The following CDH13 variants were observed in gnomAD, a reference collection of about 807,000 sequenced individuals.
The protein encoded by CDH13 is cadherin 13, also known as cadherin-13.
In CDH13, 24 loss-of-function variants were observed where a neutral mutation model predicts 63.8. The observed-to-expected ratio is 0.38, with a 90% CI of 0.27 to 0.53. The LOEUF (loss-of-function observed/expected upper bound fraction) is 0.53. CDH13 is among the 20% of genes least tolerant of loss of function. CDH13 has a pLI of 0.85. For synonymous variants in CDH13, 503 were observed against 355.3 expected, an observed-to-expected ratio of 1.42 and a Z score of -4.67; for missense variants, 1,049 against 903.1, an observed-to-expected ratio of 1.16 and a Z score of -2.07.
At chr16:82,926,557 A>G (rs1415505425) in intron 2 of CDH13, among the ~76,000 whole-genome samples, 2 of 152,146 alleles carry the variant, frequency 1.3e-5, no homozygotes, top group African/African-American at 4.8e-5. Context: ...GCTTGATGGC[A>G]TTTTAGGCTT....
chr16:82,814,639 C>G (rs2037612633), intron 1 of CDH13, among the ~76,000 whole-genome samples: 1 of 152,176 alleles, frequency 6.6e-6, no homozygotes, highest in Non-Finnish European at 1.5e-5. Context: ...GACTGTTCAT[C>G]TATACTCTTT....
chr16:82,818,323 A>G (rs1213726821), intron 1 of CDH13, among the ~76,000 whole-genome samples: 1 of 152,178 alleles, frequency 6.6e-6, no homozygotes, highest in African/African-American at 2.4e-5. Context: ...TATTCAAACT[A>G]AGGACTAAAA....
intron 5 of CDH13, among the ~76,000 whole-genome samples, chr16:83,278,968 C>T (rs1279258771): frequency 1.3e-5 from 2 of 152,168 alleles, no homozygotes; most frequent in Admixed American, 6.5e-5. Context: ...GCACACAGCA[C>T]TCTGCCTGCC....
chr16:83,604,894 C>G (rs1262971555), intron 8 of CDH13, among the ~76,000 whole-genome samples: 1 of 152,134 alleles, frequency 6.6e-6, no homozygotes, highest in Non-Finnish European at 1.5e-5. Context: ...AATCTTTGCT[C>G]AGTTGTGGAC....
chr16:83,338,044 A>C (rs2090636601), intron 5 of CDH13, among the ~76,000 whole-genome samples: 1 of 152,154 alleles, frequency 6.6e-6, no homozygotes, highest in Admixed American at 6.5e-5. Context: ...ATGACAAATC[A>C]GCTTTGACAC....
At chr16:83,230,408 G>A (rs2039969282) in intron 5 of CDH13, among the ~76,000 whole-genome samples, 1 of 152,186 alleles carries the variant, frequency 6.6e-6, no homozygotes, top group Non-Finnish European at 1.5e-5. Flanking sequence ...TGTGGAAGAA[G>A]TTCTAGATCA....
intron 1 of CDH13, chr16:82,688,905 C>A (rs1353215751): frequency 6.6e-6 from 1 of 152,006 alleles, no homozygotes; most frequent in African/African-American, 2.4e-5. Flanking sequence ...CAAATAGGAC[C>A]CAGAGAGGGG....
chr16:83,796,543 T>C lies in CDH13; in HGVS notation c.*1513T>C, dbSNP rs902938598. 6 of 152,244 alleles carry C rather than the reference T, an allele frequency of 3.9e-5. No homozygotes were observed. The highest frequency in any genetic ancestry group is 2.1e-4 in the South Asian group (1 of 4,830). 9.4% of individuals were successfully genotyped at this position (152,244 alleles called of 1,614,324 possible). A position where few individuals can be genotyped will look rare whatever the true frequency, so the allele number is the denominator to read the frequency against. On this transcript the variant is annotated 3_prime_UTR_variant, in exon 14 of 14. Transcript: ENST00000567109. ...CAATGGTAAATCCTTTTGGAACATA[T>C]AGAATGCAGAGATTTTTTTTTCCAT...
intron 4 of CDH13, among the ~76,000 whole-genome samples, chr16:83,203,419 G>A (rs1567503642): frequency 6.6e-6 from 1 of 152,010 alleles, no homozygotes; most frequent in South Asian, 2.1e-4. Context: ...AGGTGTGGTG[G>A]CTCACGCCTG....
intron 10 of CDH13, among the ~76,000 whole-genome samples, chr16:83,698,704 C>G (rs369765714): frequency 1.3e-5 from 2 of 152,228 alleles, no homozygotes; most frequent in Non-Finnish European, 2.9e-5. Flanking sequence ...GTCAGTAACC[C>G]CAACCTTCTT....
chr16:82,882,580 G>C (rs2040743454), intron 2 of CDH13, among the ~76,000 whole-genome samples: 1 of 152,146 alleles, frequency 6.6e-6, no homozygotes, highest in African/African-American at 2.4e-5. Flanking sequence ...AGTATGTAGA[G>C]GGACTAAGGG....
chr16:83,423,474 G>T (rs963416591), intron 6 of CDH13, among the ~76,000 whole-genome samples: 1 of 151,508 alleles, frequency 6.6e-6, no homozygotes, highest in African/African-American at 2.4e-5. Context: ...ATTTCACAGA[G>T]GGTATCCCTG....
At chr16:82,866,119 C>T (rs1444956337) in intron 2 of CDH13, among the ~76,000 whole-genome samples, 1 of 152,114 alleles carries the variant, frequency 6.6e-6, no homozygotes, top group African/African-American at 2.4e-5. Flanking sequence ...CCTCATCACC[C>T]TCTGAGACCA....
intron 7 of CDH13, among the ~76,000 whole-genome samples, chr16:83,556,468 G>C (rs543098931): frequency 6.6e-6 from 1 of 152,278 alleles, no homozygotes; most frequent in South Asian, 2.1e-4. Flanking sequence ...ACATGCGGTG[G>C]TCAATCAGCC....
At chr16:82,856,233 G>A (rs760183091) in intron 1 of CDH13, among the ~76,000 whole-genome samples, 3 of 151,798 alleles carry the variant, frequency 2.0e-5, no homozygotes, top group Non-Finnish European at 2.9e-5. Flanking sequence ...AAAATTAGCC[G>A]GGTATGGTGG....
intron 2 of CDH13, among the ~76,000 whole-genome samples, chr16:82,896,545 CT>C (rs774396908): frequency 2.6e-5 from 4 of 151,728 alleles, no homozygotes; most frequent in Non-Finnish European, 5.9e-5. Flanking sequence ...ATCCGCCTGC[CT>C]TGGCCTTCCA....
chr16:83,549,035 C>G (rs1045011285), intron 7 of CDH13, among the ~76,000 whole-genome samples: 1 of 152,204 alleles, frequency 6.6e-6, no homozygotes, highest in African/African-American at 2.4e-5. Context: ...TGGCTGTGTG[C>G]TTGTCAGTGC....
intron 2 of CDH13, among the ~76,000 whole-genome samples, chr16:82,908,635 T>C (rs2041725551): frequency 6.6e-6 from 1 of 152,232 alleles, no homozygotes; most frequent in South Asian, 2.1e-4. Context: ...GCAACCAACA[T>C]TATTAGTTTA....
intron 5 of CDH13, among the ~76,000 whole-genome samples, chr16:83,288,935 C>G (rs946051455): frequency 6.6e-6 from 1 of 152,200 alleles, no homozygotes; most frequent in Admixed American, 6.5e-5. Flanking sequence ...GGAGATGTCA[C>G]TTATATTGCA....
Sources: gnomAD v4.1 joint callset for allele counts (sites outside exome capture counted in the v4.1 genomes callset) on GRCh38, gnomAD v4.1.1 for gene constraint, MANE v1.5 for transcripts, NCBI Gene and HGNC (gene_info 2026-07-23, HGNC 2026-07-21) for gene names.